The following CDH13 variants were observed in gnomAD, a reference collection of about 807,000 sequenced individuals.
The protein encoded by CDH13 is cadherin-13.
Under a neutral mutation model 63.8 loss-of-function variants are expected in CDH13, and 24 were observed. The ratio of observed to expected loss-of-function variants is 0.38; its 90% confidence interval spans 0.27 to 0.53. CDH13 has a LOEUF of 0.53. Ranked by LOEUF, CDH13 falls within the 20% of genes least tolerant of loss-of-function variation. The pLI, the probability that CDH13 is intolerant of heterozygous loss-of-function variation, is 0.85. For synonymous variants in CDH13, 503 were observed against 355.3 expected, an observed-to-expected ratio of 1.42 and a Z score of -4.67; for missense variants, 1,049 against 903.1, an observed-to-expected ratio of 1.16 and a Z score of -2.07.
chr16:83,353,008 G>C (rs1169073613), intron 6 of CDH13, among the ~76,000 whole-genome samples: 1 of 152,224 alleles, frequency 6.6e-6, no homozygotes, highest in Non-Finnish European at 1.5e-5. Flanking sequence ...TTATAAGTCA[G>C]AGCTAAATCA....
intron 7 of CDH13, among the ~76,000 whole-genome samples, chr16:83,517,115 T>A (rs2074714543): frequency 6.6e-6 from 1 of 152,306 alleles, no homozygotes; most frequent in East Asian, 1.9e-4. Context: ...CTCTTGCTGA[T>A]CCCAGAGAGA....
chr16:83,112,124 C>T (rs1034568321), intron 3 of CDH13, among the ~76,000 whole-genome samples: 4 of 152,140 alleles, frequency 2.6e-5, no homozygotes, highest in South Asian at 2.1e-4. Context: ...TTTTATCTCC[C>T]GCTGGGTTTC....
At chr16:82,761,269 C>G (rs570007708) in intron 1 of CDH13, among the ~76,000 whole-genome samples, 2 of 151,862 alleles carry the variant, frequency 1.3e-5, no homozygotes, top group Non-Finnish European at 2.9e-5. Context: ...CTGCCCTCCT[C>G]GGCCTCCCAA....
At chr16:83,173,780 G>A (rs1285304798) in intron 4 of CDH13, among the ~76,000 whole-genome samples, 1 of 151,964 alleles carries the variant, frequency 6.6e-6, no homozygotes, top group Non-Finnish European at 1.5e-5. Flanking sequence ...ACATAAACCT[G>A]CCCAAACTGA....
intron 1 of CDH13, among the ~76,000 whole-genome samples, chr16:82,711,571 A>C (rs2031948068): frequency 6.6e-6 from 1 of 152,198 alleles, no homozygotes; most frequent in African/African-American, 2.4e-5. Flanking sequence ...ATTCCAACAT[A>C]GACCTACCTT....
At chr16:83,298,304 G>A (rs1292510084) in intron 5 of CDH13, among the ~76,000 whole-genome samples, 1 of 152,028 alleles carries the variant, frequency 6.6e-6, no homozygotes, top group Non-Finnish European at 1.5e-5. Context: ...GGGAAGAAGT[G>A]AGGGAGGGAA....
At chr16:83,329,978 C>G (rs1029872563) in intron 5 of CDH13, among the ~76,000 whole-genome samples, 5 of 152,146 alleles carry the variant, frequency 3.3e-5, no homozygotes, top group Non-Finnish European at 5.9e-5. Context: ...AATAGTGCTG[C>G]TATGGACATG....
At chr16:83,497,609 T>G (rs8046612) in intron 7 of CDH13, among the ~76,000 whole-genome samples, 148,426 of 150,704 alleles carry the variant, frequency 0.98, 73,126 homozygotes, top group East Asian at 1. Flanking sequence ...CATGTATACA[T>G]ATGTAACTAA....
intron 10 of CDH13, among the ~76,000 whole-genome samples, chr16:83,698,215 A>G (rs1318745599): frequency 2.0e-5 from 3 of 152,264 alleles, no homozygotes; most frequent in African/African-American, 7.2e-5. Flanking sequence ...TCAGGAGTTA[A>G]TATTTAATAT....
chr16:83,568,590 C>G (rs573701347), intron 7 of CDH13, among the ~76,000 whole-genome samples: 1 of 152,136 alleles, frequency 6.6e-6, no homozygotes, highest in African/African-American at 2.4e-5. Context: ...GGCCAGTTCC[C>G]GAGTGGGGGC....
intron 2 of CDH13, among the ~76,000 whole-genome samples, chr16:82,888,001 A>C (rs2040949862): frequency 6.6e-6 from 1 of 152,170 alleles, no homozygotes; most frequent in Admixed American, 6.5e-5. Context: ...CTGTTACTTC[A>C]GAAAAGTACG....
intron 4 of CDH13, among the ~76,000 whole-genome samples, chr16:83,167,138 C>A (rs2037712895): frequency 6.6e-6 from 1 of 151,728 alleles, no homozygotes; most frequent in Non-Finnish European, 1.5e-5. Flanking sequence ...AGTGGTACTT[C>A]CCTGCTATTT....
intron 4 of CDH13, among the ~76,000 whole-genome samples, chr16:83,128,396 A>T (rs2151649862): frequency 6.6e-6 from 1 of 152,334 alleles, no homozygotes; most frequent in South Asian, 2.1e-4. Context: ...AAAGCCAGGA[A>T]TCTGCGTTTT....
intron 2 of CDH13, among the ~76,000 whole-genome samples, chr16:82,933,778 G>T (rs144239447): frequency 6.6e-6 from 1 of 152,138 alleles, no homozygotes; most frequent in African/African-American, 2.4e-5. Context: ...TACAGGATCC[G>T]GGCAAGTCTG....
rs141087056 is a variant in CDH13, at chr16:82,730,399, G to T, written c.45+103262G>T. ...ATTATGTGTCTCAGGTAATAGAAAG[G>T]CCTGAGGAAAGGGAGAGAGAGGGAG... On this transcript the variant is annotated intron_variant, in intron 1 of 13. Coordinates refer to ENST00000567109, the MANE Select transcript of CDH13 (RefSeq NM_001257.5). Among the ~76,000 whole-genome samples, 421 of 152,236 alleles carry T rather than the reference G, an allele frequency of 2.8e-3. 4 individuals are homozygous for T. The highest frequency in any genetic ancestry group is 9.6e-3 in the African/African-American group (399 of 41,550).
rs546478938 is a variant in CDH13, at chr16:83,645,954, G to T, written c.1102-24836G>T. Among the ~76,000 whole-genome samples the T allele has an allele frequency of 8.3e-4, 126 of 152,280 alleles. 1 individual carries two copies. The highest frequency in any genetic ancestry group is 2.9e-3 in the African/African-American group (119 of 41,568). On this transcript the variant is annotated intron_variant, in intron 8 of 13. Transcript: ENST00000567109. Reference sequence around the variant, plus strand: ...AAAACCAATTGTGAATCCTTTCCTGGTTTTAAACCATAGCTACATAAACTG... The same window carrying T: ...AAAACCAATTGTGAATCCTTTCCTGTTTTTAAACCATAGCTACATAAACTG...
chr16:83,771,228 C>A (rs1914740023), intron 11 of CDH13, among the ~76,000 whole-genome samples: 1 of 152,166 alleles, frequency 6.6e-6, no homozygotes, highest in Non-Finnish European at 1.5e-5. Flanking sequence ...TCTGCCCTCC[C>A]TACACCAAGA....
At chr16:83,628,323 G>A (rs747697902) in intron 8 of CDH13, among the ~76,000 whole-genome samples, 1 of 152,118 alleles carries the variant, frequency 6.6e-6, no homozygotes, top group Non-Finnish European at 1.5e-5. Flanking sequence ...GCCCAGGCTG[G>A]TCTCAAACTC....
chr16:83,156,387 A>G (rs113479911), intron 4 of CDH13, among the ~76,000 whole-genome samples: 1 of 152,158 alleles, frequency 6.6e-6, no homozygotes, highest in African/African-American at 2.4e-5. Context: ...TTTCCTTTCA[A>G]GAGTCTAATC....
Sources: allele counts gnomAD v4.1 joint callset (sites outside exome capture counted in the v4.1 genomes callset), GRCh38; gene constraint gnomAD v4.1.1; transcripts MANE v1.5; gene names NCBI Gene and HGNC (gene_info 2026-07-23, HGNC 2026-07-21).